The following DMD variants were observed in gnomAD, a reference collection of about 807,000 sequenced individuals.
The protein encoded by DMD is mutant dystrophin.
A neutral mutation model predicts 330.1 loss-of-function variants in DMD; 63 were observed. The observed-to-expected ratio is 0.19, with a 90% CI of 0.16 to 0.24. The LOEUF is 0.24. Among genes scored for constraint, DMD ranks in the 10% least tolerant of loss-of-function variants. The pLI is 1.00. For synonymous variants in DMD, 1,223 were observed against 959.8 expected, an observed-to-expected ratio of 1.27 and a Z score of -5.07; for missense variants, 3,344 against 2,684.1, an observed-to-expected ratio of 1.25 and a Z score of -5.43.
chrX:33,133,924 C>T (rs1374009461), intron 1 of DMD, among the ~76,000 whole-genome samples: 1 of 112,075 alleles, frequency 8.9e-6, no homozygotes, highest in Non-Finnish European at 1.9e-5. Flanking sequence ...AACAATAAAA[C>T]ACTCACTCAA....
At chrX:32,736,150 A>G (rs1467927612) in intron 7 of DMD, among the ~76,000 whole-genome samples, 1 of 112,515 alleles carries the variant, frequency 8.9e-6, no homozygotes, top group East Asian at 2.8e-4. Context: ...ATGCAGCCAA[A>G]AGACACATGA....
At chrX:32,072,541 G>C (rs1407645156) in intron 44 of DMD, among the ~76,000 whole-genome samples, 2 of 111,368 alleles carry the variant, frequency 1.8e-5, no homozygotes, top group African/African-American at 6.5e-5. Context: ...ACAGATTGTA[G>C]TATCTATCAA....
chrX:33,225,221 T>G (rs781404792), intron 1 of DMD, among the ~76,000 whole-genome samples: 8 of 111,595 alleles, frequency 7.2e-5, no homozygotes, highest in South Asian at 3.8e-4. Context: ...ACTCTAAAAT[T>G]TATGTGAAAA....
At chrX:33,196,449 C>CG (rs2050944807) in intron 1 of DMD, among the ~76,000 whole-genome samples, 1 of 110,941 alleles carries the variant, frequency 9.0e-6, no homozygotes, top group East Asian at 2.9e-4. Context: ...AGAAACTCAA[C>CG]GGGGGCAGCA....
intron 1 of DMD, among the ~76,000 whole-genome samples, chrX:33,249,387 G>A (rs1178130432): frequency 4.5e-5 from 5 of 111,617 alleles, no homozygotes; most frequent in African/African-American, 1.6e-4. Flanking sequence ...CTGACCTTAG[G>A]TGATCTGCCC....
intron 1 of DMD, among the ~76,000 whole-genome samples, chrX:33,274,393 A>G (rs2053204509): frequency 8.9e-6 from 1 of 111,997 alleles, no homozygotes; most frequent in Admixed American, 9.5e-5. Flanking sequence ...CCAAGGTGGC[A>G]TGAAAGGTCA....
intron 7 of DMD, among the ~76,000 whole-genome samples, chrX:32,732,463 G>T (rs947818581): frequency 6.3e-5 from 7 of 110,683 alleles, no homozygotes; most frequent in African/African-American, 2.3e-4. Flanking sequence ...ATAATTGTCA[G>T]ATTCACCAAA....
intron 2 of DMD, among the ~76,000 whole-genome samples, chrX:32,952,262 T>A (rs768534248): frequency 9.1e-6 from 1 of 109,990 alleles, no homozygotes; most frequent in East Asian, 2.8e-4. Context: ...GCTCCCCGAG[T>A]AGCTGGGATT....
intron 44 of DMD, among the ~76,000 whole-genome samples, chrX:32,149,191 G>A (rs771945377): frequency 9.0e-6 from 1 of 111,689 alleles, no homozygotes; most frequent in Admixed American, 9.6e-5. Flanking sequence ...ACGAGCCAAG[G>A]CTAAAGGGAT....
intron 63 of DMD, among the ~76,000 whole-genome samples, chrX:31,260,648 A>AG (rs1175952896): frequency 2.7e-5 from 3 of 111,809 alleles, no homozygotes; most frequent in Admixed American, 9.5e-5. Flanking sequence ...GGGAAGAAAA[A>AG]AAAAAATAGC....
intron 1 of DMD, among the ~76,000 whole-genome samples, chrX:33,171,025 A>T (rs2049312605): frequency 9.0e-6 from 1 of 111,644 alleles, no homozygotes; most frequent in Non-Finnish European, 1.9e-5. Flanking sequence ...TGTTCAATTG[A>T]TCTATGTGTC....
At chrX:32,695,934 T>C (rs776575450) in intron 9 of DMD, among the ~76,000 whole-genome samples, 1 of 111,683 alleles carries the variant, frequency 9.0e-6, no homozygotes, top group South Asian at 3.7e-4. Flanking sequence ...GAAAAATGTT[T>C]CATCAGTGGT....
intron 11 of DMD, among the ~76,000 whole-genome samples, chrX:32,615,323 G>A (rs1352696469): frequency 9.0e-6 from 1 of 111,338 alleles, no homozygotes; most frequent in Non-Finnish European, 1.9e-5. Context: ...AAAGGCCTAG[G>A]TTCACAGCCC....
intron 2 of DMD, among the ~76,000 whole-genome samples, chrX:32,867,837 G>A (rs1042098202): frequency 2.7e-5 from 3 of 110,676 alleles, no homozygotes; most frequent in Non-Finnish European, 5.7e-5. Context: ...ATAATGGCTC[G>A]GTCCACATTA....
chrX:33,032,126 T>C (rs1284178466), intron 1 of DMD, among the ~76,000 whole-genome samples: 1 of 112,047 alleles, frequency 8.9e-6, no homozygotes, highest in Non-Finnish European at 1.9e-5. Context: ...GTGGCCTTGG[T>C]CATGTGACTT....
chrX:32,344,459 AGTTT>A (rs2097757665), intron 39 of DMD, among the ~76,000 whole-genome samples: 1 of 111,535 alleles, frequency 9.0e-6, no homozygotes, highest in African/African-American at 3.2e-5. Context: ...TTCATTATCT[AGTTT>A]GTTTAAAATT....
chrX:32,608,773 T>C (rs1177073504), intron 12 of DMD, among the ~76,000 whole-genome samples: 1 of 110,836 alleles, frequency 9.0e-6, no homozygotes, highest in Non-Finnish European at 1.9e-5. Context: ...TCTGGCTCTC[T>C]GGTTATAATA....
intron 1 of DMD, among the ~76,000 whole-genome samples, chrX:33,281,899 G>C (rs765342698): frequency 9.3e-6 from 1 of 107,858 alleles, no homozygotes; most frequent in African/African-American, 3.4e-5. Flanking sequence ...CCCAGACTAG[G>C]GTGCTGGTGC....
At chrX:31,636,093 C>G (rs1384033401) in intron 54 of DMD, among the ~76,000 whole-genome samples, 2 of 111,662 alleles carry the variant, frequency 1.8e-5, no homozygotes, top group Non-Finnish European at 3.8e-5. Flanking sequence ...AATGCAGGAA[C>G]AGAAAACCAA....
Sources: gnomAD v4.1 joint callset for allele counts (sites outside exome capture counted in the v4.1 genomes callset) on GRCh38, gnomAD v4.1.1 for gene constraint, MANE v1.5 for transcripts, NCBI Gene and HGNC (gene_info 2026-07-23, HGNC 2026-07-21) for gene names.